NIBAN2: variants seen among roughly 807,000 people sequenced by gnomAD.
The protein encoded by NIBAN2 is niban apoptosis regulator 2, also known as protein Niban 2.
NIBAN2 carries 36 observed loss-of-function variants against 81.8 expected under a neutral mutation model. The observed-to-expected ratio is 0.44, with a 90% CI of 0.34 to 0.58. The LOEUF is 0.58. NIBAN2 is among the 20% of genes least tolerant of loss of function. The pLI, the probability that NIBAN2 is intolerant of heterozygous loss-of-function variation, is 0.02. For synonymous variants in NIBAN2, 445 were observed against 441.6 expected (o/e 1.01, Z -0.10); for missense variants, 897 against 1,014.1 (o/e 0.88, Z 1.57).
chr9:127,513,648 C>T (rs1287054093), intron 8 of NIBAN2, among the ~76,000 whole-genome samples: 2 of 152,364 alleles, frequency 1.3e-5, no homozygotes, highest in South Asian at 4.1e-4. Flanking sequence ...GTCAGGAAGT[C>T]TCCCTATATG....
At chr9:127,555,483 C>G (rs1316594841) in intron 1 of NIBAN2, among the ~76,000 whole-genome samples, 2 of 152,262 alleles carry the variant, frequency 1.3e-5, no homozygotes, top group East Asian at 1.9e-4. Context: ...CACCCAGAAC[C>G]ATGGGGGGCC....
chr9:127,565,414 G>A (rs1051329574), intron 1 of NIBAN2, among the ~76,000 whole-genome samples: 8 of 152,172 alleles, frequency 5.3e-5, no homozygotes, highest in South Asian at 2.1e-4. Flanking sequence ...CAATGGTTGC[G>A]CAATTCTGTG....
At chr9:127,577,334 G>A (rs1838022225) in intron 1 of NIBAN2, among the ~76,000 whole-genome samples, 1 of 151,996 alleles carries the variant, frequency 6.6e-6, no homozygotes, top group African/African-American at 2.4e-5. Flanking sequence ...ATTAAGAGAT[G>A]AGGATGAGAC....
chr9:127,517,014 C>T lies in NIBAN2; in HGVS notation c.816G>A (p.Ser272=), dbSNP rs749534256. 2.1e-5 allele frequency: 34 copies of T among 1,613,228 alleles called. No individual in the cohort carries two copies. Among genetic ancestry groups the T allele is most frequent in the South Asian group, 2.1e-4 (19 of 91,064 alleles). Residue 272 remains serine, a synonymous_variant, in exon 8 of 14, where the codon TCG becomes TCA. Transcript: ENST00000373312. The surrounding 1 kb of genome is among the most constrained non-coding windows in gnomAD (Gnocchi z 4.0). The part of the protein sequence containing the change: ...QERQRQWIQI[S]DAVYHMVYEQ... ...CGTACACCATGTGGTACACGGCGTC[C>T]GAGATCTGTGGGCAGAGCAGCTGAA... is the stretch of plus-strand genomic sequence containing the variant.
chr9:127,530,674 C>T (rs145633121), intron 2 of NIBAN2, among the ~76,000 whole-genome samples: 2 of 152,338 alleles, frequency 1.3e-5, no homozygotes, highest in Non-Finnish European at 2.9e-5. Context: ...GCCTTCCCTG[C>T]TTCAGGCACA....
chr9:127,554,223 C>T (rs1443180930), intron 1 of NIBAN2, among the ~76,000 whole-genome samples: 2 of 152,190 alleles, frequency 1.3e-5, no homozygotes, highest in African/African-American at 4.8e-5. Context: ...GAAGGACTCT[C>T]CATTCCCCAA....
intron 1 of NIBAN2, among the ~76,000 whole-genome samples, chr9:127,568,413 G>A (rs917622486): frequency 1.3e-5 from 2 of 152,172 alleles, no homozygotes; most frequent in African/African-American, 4.8e-5. Context: ...GAAGGTGAGC[G>A]CGAGCTGGCT....
chr9:127,576,011 C>A (rs1320907200), intron 1 of NIBAN2, among the ~76,000 whole-genome samples: 1 of 152,212 alleles, frequency 6.6e-6, no homozygotes, highest in African/African-American at 2.4e-5. Context: ...GCAAGCATCA[C>A]ATTCAACATG....
chr9:127,543,302 A>T lies in NIBAN2; in HGVS notation c.56-11524T>A, dbSNP rs377668424. On this transcript the variant is annotated intron_variant, in intron 1 of 13. Transcript: ENST00000373312. ...GGACACCTCACGCCATCTGACATAG[A>T]CCCGGACAACAGCTGCAGGAAGTGG... 1.5e-4 allele frequency among the ~76,000 whole-genome samples: 23 copies of T among 152,188 alleles called. No homozygotes were observed. In the South Asian group the frequency reaches 4.6e-3, roughly 30 times the overall value.
chr9:127,578,885 G>A (rs772962146), intron 1 of NIBAN2: 2 of 1,599,670 alleles, frequency 1.3e-6, no homozygotes, highest in African/African-American at 1.3e-5. Flanking sequence ...AGAACCCCGT[G>A]TGCCTTGTGT....
intron 8 of NIBAN2, 99 bp downstream of exon 8, chr9:127,516,758 G>A: frequency 1.6e-6 from 2 of 1,247,786 alleles, no homozygotes; most frequent in Non-Finnish European, 2.3e-6. Context: ...AATGATCAAT[G>A]AGCAAGTCAT....
chr9:127,561,197 T>C (rs1564319498), intron 1 of NIBAN2: 2 of 985,406 alleles, frequency 2.0e-6, no homozygotes, highest in African/African-American at 1.7e-5. Flanking sequence ...ACTCGCTGAA[T>C]ACCCCAGGGG....
At chr9:127,547,830 T>C (rs1385351143) in intron 1 of NIBAN2, among the ~76,000 whole-genome samples, 6 of 151,944 alleles carry the variant, frequency 3.9e-5, no homozygotes, top group Non-Finnish European at 7.4e-5. Flanking sequence ...AGAGCGAAAC[T>C]CCACCTCAAA....
rs1200753938 is a variant in NIBAN2 at position 127,563,650 on chromosome 9, G to C, written c.55+5170C>G. Among the ~76,000 whole-genome samples the C allele has an allele frequency of 6.6e-6, 1 of 151,954 alleles. No homozygotes were observed. Among genetic ancestry groups the C allele is most frequent in the Non-Finnish European group, 1.5e-5 (1 of 68,022 alleles). ...CGATTCTTGTGCCGCAGCCTCCCAAGTAGCTGGGACTACAGGCACGCACCA... is the reference window on the plus strand; with the variant it reads ...CGATTCTTGTGCCGCAGCCTCCCAACTAGCTGGGACTACAGGCACGCACCA... On this transcript the variant is annotated intron_variant, in intron 1 of 13. Coordinates refer to ENST00000373312, the MANE Select transcript of NIBAN2 (RefSeq NM_022833.4). This position sits in a 1 kb window ranked among gnomAD's most constrained non-coding sequence, Gnocchi z 4.1.
rs1331767928 is a variant in NIBAN2, at chr9:127,507,011, G to A, written c.2075C>T (p.Ser692Leu). The A allele has an allele frequency of 1.8e-5, 28 of 1,594,716 alleles. No homozygotes were observed. Among genetic ancestry groups the A allele is most frequent in the Non-Finnish European group, 2.2e-5 (26 of 1,169,510 alleles). ...ATGCTGGAGGGGTGAGGCAGGCGGC[G>A]AGGAGGCCTCGGGGGCGGCCTTAGG... is the stretch of plus-strand genomic sequence containing the variant. ...PQPKAAPEASSPPASPLQHLL... is the reference protein window; with the variant it reads ...PQPKAAPEASLPPASPLQHLL... The change falls in exon 14 of 14, where the codon TCG (serine) becomes TTG (leucine). Residue 692 changes from serine (S) to leucine (L), a missense_variant. Around this residue, in one of 3 missense-constraint regions of NIBAN2, gnomAD observed 619 missense variants for 691.0 expected, o/e 0.90. Transcript: ENST00000373312. The surrounding 1 kb of genome is among the most constrained non-coding windows in gnomAD (Gnocchi z 6.8).
intron 1 of NIBAN2, among the ~76,000 whole-genome samples, chr9:127,576,308 C>T (rs886711174): frequency 5.9e-5 from 9 of 151,958 alleles, no homozygotes; most frequent in African/African-American, 2.2e-4. Context: ...TGCATGTGGG[C>T]CTCTGCTACT....
At chr9:127,533,194 G>C (rs1038539150) in intron 1 of NIBAN2, among the ~76,000 whole-genome samples, 1 of 151,682 alleles carries the variant, frequency 6.6e-6, no homozygotes, top group Non-Finnish European at 1.5e-5. Context: ...CGGTGGCTTA[G>C]GCCTGTAATC....
Position 127,520,698 on chromosome 9 carries a change from G to A in NIBAN2, c.590-2757C>T, listed in dbSNP as rs1337493323. On this transcript the variant is annotated intron_variant, in intron 5 of 13. Coordinates refer to ENST00000373312, the MANE Select transcript of NIBAN2 (RefSeq NM_022833.4). Reference sequence around the variant, plus strand: ...TGGGAGGCCGAGGCGGCAGAATCACGAGATCAGGAGATCAAGACCATTCTG... The same window carrying A: ...TGGGAGGCCGAGGCGGCAGAATCACAAGATCAGGAGATCAAGACCATTCTG... 5.3e-5 allele frequency among the ~76,000 whole-genome samples: 8 copies of A among 152,148 alleles called. No individual in the cohort carries two copies. In the South Asian group the frequency reaches 6.2e-4, roughly 12 times the overall value.
At chr9:127,526,935 G>C (rs1297970685) in intron 3 of NIBAN2, among the ~76,000 whole-genome samples, 1 of 117,962 alleles carries the variant, frequency 8.5e-6, no homozygotes, top group Non-Finnish European at 1.9e-5. Context: ...GGGATGGGGA[G>C]GAGTGAGTGA....
Sources: gnomAD v4.1 joint callset for allele counts (sites outside exome capture counted in the v4.1 genomes callset) on GRCh38, gnomAD v4.1.1 for gene constraint, gnomAD v4.1.1 regional missense constraint, Gnocchi (gnomAD v3.1) non-coding constraint, MANE v1.5 for transcripts, NCBI Gene and HGNC (gene_info 2026-07-23, HGNC 2026-07-21) for gene names.